SANBR: variants seen among roughly 807,000 people sequenced by gnomAD.
SANBR encodes the protein SANT and BTB domain regulator of class switch recombination.
A neutral mutation model predicts 101.8 loss-of-function variants in SANBR; 77 were observed. The observed-to-expected ratio is 0.76, with a 90% CI of 0.63 to 0.91. The LOEUF (loss-of-function observed/expected upper bound fraction) is 0.91, where lower values mean the gene tolerates loss of function less well. SANBR is among the 40% of genes least tolerant of loss of function. The pLI is 0.00. For synonymous variants in SANBR, 279 were observed against 274.7 expected, an observed-to-expected ratio of 1.02 and a Z score of -0.15; for missense variants, 875 against 853.0, an observed-to-expected ratio of 1.03 and a Z score of -0.32.
Position 61,116,060 on chromosome 2 carries a change from C to A in SANBR, c.1826C>A (p.Ala609Glu). 1 of 1,603,852 alleles carries A rather than the reference C, an allele frequency of 6.2e-7. No individual in the cohort carries two copies. The highest frequency in any genetic ancestry group is 8.5e-7 in the Non-Finnish European group (1 of 1,174,658). The change falls in exon 17 of 22, where the codon GCA becomes GAA. Residue 609 changes from alanine (A) to glutamate (E), a missense_variant. Transcript: ENST00000402291. ...CCCTGTGCCCAGAGGAAAGAAAAGG[C>A]ATTGGAGAAGGTAACTCTGAATTAT... The part of the protein sequence containing the change: ...SSPCAQRKEK[A>E]LEKSASRDVS...
intron 20 of SANBR, among the ~76,000 whole-genome samples, chr2:61,130,320 A>G (rs1370418982): frequency 6.6e-6 from 1 of 152,168 alleles, no homozygotes; most frequent in Non-Finnish European, 1.5e-5. Flanking sequence ...AAATGAGCAA[A>G]TTATTAGAAG....
Position 61,115,344 on chromosome 2 carries a change from A to T in SANBR, c.1745-635A>T, listed in dbSNP as rs574169028. ...AGTCACTCATCGTATATATATATAT[A>T]TATTTTTTTTTTGAGACAGAGTCTC... On this transcript the variant is annotated intron_variant, in intron 16 of 21. Transcript: ENST00000402291. 7.9e-3 allele frequency among the ~76,000 whole-genome samples: 768 copies of T among 97,834 alleles called. 6 individuals carry two copies. The highest frequency in any genetic ancestry group is 0.034 in the African/African-American group (712 of 21,122). The allele number at this position is 97,834 out of a possible 152,430, so 64.2% of individuals were successfully genotyped here. A position where few individuals can be genotyped will look rare whatever the true frequency, so the allele number is the denominator to read the frequency against.
chr2:61,103,329 G>A (rs149351889), intron 12 of SANBR, among the ~76,000 whole-genome samples: 136 of 151,904 alleles, frequency 9.0e-4, no homozygotes, highest in Admixed American at 3.3e-4. Context: ...TTTAGAGACA[G>A]GGTTTTGCCA....
Position 61,108,364 on chromosome 2 carries a change from A to G in SANBR, c.1644+15A>G, listed in dbSNP as rs757937581. 1 of 1,523,996 alleles carries G rather than the reference A, an allele frequency of 6.6e-7. No individual in the cohort carries two copies. Among genetic ancestry groups the G allele is most frequent in the Non-Finnish European group, 9.0e-7 (1 of 1,114,100 alleles). The allele number at this position is 1,523,996 out of a possible 1,614,324, so 94.4% of individuals were successfully genotyped here. On this transcript the variant is annotated intron_variant, in intron 15 of 21. Transcript: ENST00000402291. ...CTCTACAACTGGTAAGTGAGCAATT[A>G]CAGTTAGCATTCATGGATCTCTTTC...
intron 16 of SANBR, among the ~76,000 whole-genome samples, chr2:61,110,402 G>A (rs143987891): frequency 9.0e-4 from 137 of 152,078 alleles, no homozygotes; most frequent in Middle Eastern, 6.8e-3. Flanking sequence ...AAATTAGGCC[G>A]GGCACGATGG....
intron 3 of SANBR, among the ~76,000 whole-genome samples, chr2:61,070,711 GTA>G (rs1375131663): frequency 6.9e-6 from 1 of 144,798 alleles, no homozygotes; most frequent in East Asian, 2.0e-4. Flanking sequence ...ATTATATATA[GTA>G]TATATATTTA....
Position 61,123,962 on chromosome 2 carries a change from C to A in SANBR, c.*1800C>A. On this transcript the variant is annotated 3_prime_UTR_variant, in exon 22 of 22. Coordinates refer to ENST00000402291, the MANE Select transcript of SANBR (RefSeq NM_001129993.3). ...CAAAAAGATTAGCCAGGCATGGTGGCATACACCTGTAGTCCCAGCTACTCG... is the reference window on the plus strand; with the variant it reads ...CAAAAAGATTAGCCAGGCATGGTGGAATACACCTGTAGTCCCAGCTACTCG... 3 of 315,524 alleles carry A rather than the reference C, an allele frequency of 9.5e-6. No individual in the cohort carries two copies. Among genetic ancestry groups the A allele is most frequent in the Non-Finnish European group, 9.2e-6 (2 of 217,610 alleles). 19.5% of individuals were successfully genotyped at this position (315,524 alleles called of 1,614,324 possible).
Position 61,136,037 on chromosome 2 carries a change from C to T in SANBR, c.*45-1427C>T, listed in dbSNP as rs570935197. ...AAAAAAATCAAGGTTGGGCGCATTG[C>T]CTCAGGCCTGTAATCCCAGCACTCT... On this transcript the variant is annotated intron_variant, in intron 21 of 21. Coordinates refer to the SANBR transcript ENST00000295031. Among the ~76,000 whole-genome samples, 45 of 152,172 alleles carry T rather than the reference C, an allele frequency of 3.0e-4. 1 individual carries two copies. Among genetic ancestry groups the T allele is most frequent in the African/African-American group, 1.0e-3 (42 of 41,560 alleles).
intron 12 of SANBR, 65 bp from the exon 13 acceptor site, chr2:61,103,788 C>A: frequency 6.9e-7 from 1 of 1,439,740 alleles, no homozygotes. Context: ...AAAAGAAAAA[C>A]AGTGATCTTT....
downstream of SANBR, among the ~76,000 whole-genome samples, chr2:61,129,168 G>A (rs116752433): frequency 0.016 from 2,462 of 152,140 alleles, 34 homozygotes; most frequent in Non-Finnish European, 0.025. Flanking sequence ...AGGCATCCGG[G>A]CACGGTGGCT....
chr2:61,102,091 C>T (rs929609233), intron 12 of SANBR, among the ~76,000 whole-genome samples: 18 of 150,074 alleles, frequency 1.2e-4, no homozygotes, highest in African/African-American at 2.9e-4. Context: ...GCTCATATCC[C>T]GACTGGGCAT....
chr2:61,070,723 A>T (rs1049994009), intron 3 of SANBR, among the ~76,000 whole-genome samples: 5 of 147,056 alleles, frequency 3.4e-5, no homozygotes, highest in African/African-American at 1.2e-4. Flanking sequence ...ATATATATTT[A>T]TATATAATAT....
chr2:61,134,286 C>G, intron 21 of SANBR: 1 of 1,544,678 alleles, frequency 6.5e-7, no homozygotes, highest in Non-Finnish European at 8.8e-7. Flanking sequence ...CGTAAGTGCT[C>G]AAAAATGTTA....
intron 1 of SANBR, among the ~76,000 whole-genome samples, chr2:61,068,258 C>T (rs76822168): frequency 1.3e-5 from 2 of 152,278 alleles, no homozygotes; most frequent in East Asian, 3.9e-4. Flanking sequence ...AAGGGCATTA[C>T]TTTTCAGATT....
chr2:61,076,838 C>T (rs563203909), intron 5 of SANBR, 82 bp from the exon 6 acceptor site: 16 of 953,136 alleles, frequency 1.7e-5, no homozygotes, highest in South Asian at 3.1e-5. Context: ...ATCTTGTTCT[C>T]TTCCCTTCAC....
chr2:61,073,692 A>C, intron 5 of SANBR, 141 bp downstream of exon 5: 1 of 421,936 alleles, frequency 2.4e-6, no homozygotes, highest in Non-Finnish European at 4.3e-6. Context: ...TCATGTGTTG[A>C]ACTGACCGAA....
chr2:61,067,034 CT>C (rs1229626897), intron 1 of SANBR, among the ~76,000 whole-genome samples: 1 of 152,050 alleles, frequency 6.6e-6, no homozygotes, highest in Non-Finnish European at 1.5e-5. Flanking sequence ...TAAATTTATA[CT>C]TTCCTGAATG....
intron 12 of SANBR, 81 bp downstream of exon 12, chr2:61,097,933 A>C (rs2104916590): frequency 8.9e-7 from 1 of 1,129,318 alleles, no homozygotes; most frequent in Middle Eastern, 2.1e-4. Flanking sequence ...GACTTCAAAC[A>C]ATACATAAAT....
chr2:61,084,036 C>T (rs2104880024), intron 8 of SANBR, among the ~76,000 whole-genome samples: 1 of 152,270 alleles, frequency 6.6e-6, no homozygotes, highest in South Asian at 2.1e-4. Context: ...CCAGCCACAA[C>T]CTGTACCTTC....
Sources: allele counts gnomAD v4.1 joint callset (sites outside exome capture counted in the v4.1 genomes callset), GRCh38; gene constraint gnomAD v4.1.1; transcripts MANE v1.5; gene names NCBI Gene and HGNC (gene_info 2026-07-23, HGNC 2026-07-21).